Variants in PTPRN2 observed in about 807,000 individuals in gnomAD.
The protein encoded by PTPRN2 is receptor-type tyrosine-protein phosphatase N2.
A neutral mutation model predicts 118.8 loss-of-function variants in PTPRN2; 74 were observed. The observed-to-expected ratio is 0.62, with a 90% CI of 0.52 to 0.76. The LOEUF (loss-of-function observed/expected upper bound fraction) is 0.76. Ranked by LOEUF, PTPRN2 falls within the 30% of genes least tolerant of loss-of-function variation. The pLI, the probability that PTPRN2 is intolerant of heterozygous loss-of-function variation, is 0.00. For missense variants in PTPRN2, 1,481 were observed against 1,394.4 expected, an observed-to-expected ratio of 1.06 and a Z score of -0.99; for synonymous variants, 641 against 608.0, an observed-to-expected ratio of 1.05 and a Z score of -0.80.
At chr7:158,221,638 C>A (rs895609131) in intron 3 of PTPRN2, among the ~76,000 whole-genome samples, 2 of 151,942 alleles carry the variant, frequency 1.3e-5, no homozygotes, top group Admixed American at 6.6e-5. Context: ...AGAATGAATG[C>A]CAAGCGGAAA....
rs1339319378 is a variant in PTPRN2 at position 158,555,901 on chromosome 7, C to T, written c.112+31657G>A. 1.3e-5 allele frequency among the ~76,000 whole-genome samples: 2 copies of T among 152,174 alleles called. No individual in the cohort carries two copies. The highest frequency in any genetic ancestry group is 2.9e-5 in the Non-Finnish European group (2 of 68,038). ...TGAACAATAATCACAACATGGCACA[C>T]ACAACACACGTCCCAAAATAAATCT... is the stretch of plus-strand genomic sequence containing the variant. On this transcript the variant is annotated intron_variant, in intron 1 of 22. Transcript: ENST00000389418. The surrounding 1 kb of genome is among the most constrained non-coding windows in gnomAD (Gnocchi z 4.7).
Position 158,544,050 on chromosome 7 carries a change from G to A in PTPRN2, c.112+43508C>T, listed in dbSNP as rs1271549573. Among the ~76,000 whole-genome samples the A allele has an allele frequency of 6.6e-6, 1 of 152,230 alleles. No individual in the cohort carries two copies. Among genetic ancestry groups the A allele is most frequent in the East Asian group, 1.9e-4 (1 of 5,190 alleles). The stretch of plus-strand genomic sequence containing the variant: ...CTCTGCCCCTCTGCACGGCACCAGA[G>A]TTGTGCAAGGAAGCAGAGGAGGCGG... On this transcript the variant is annotated intron_variant, in intron 1 of 22. Transcript: ENST00000389418. This position sits in a 1 kb window ranked among gnomAD's most constrained non-coding sequence, Gnocchi z 4.2.
At chr7:158,276,615 A>G (rs1210215305) in intron 3 of PTPRN2, among the ~76,000 whole-genome samples, 1 of 140,284 alleles carries the variant, frequency 7.1e-6, no homozygotes, top group African/African-American at 2.7e-5. Context: ...TTCTTTATTA[A>G]CTTGGCCCCA....
At chr7:158,278,430 G>A (rs542293308) in intron 3 of PTPRN2, among the ~76,000 whole-genome samples, 61 of 149,810 alleles carry the variant, frequency 4.1e-4, no homozygotes, top group Admixed American at 1.8e-3. Context: ...GAAGGTGGGC[G>A]CCTGTAATCC....
chr7:157,792,009 TC>T (rs1804535954), intron 12 of PTPRN2, among the ~76,000 whole-genome samples: 1 of 151,960 alleles, frequency 6.6e-6, no homozygotes, highest in South Asian at 2.1e-4. Flanking sequence ...CATGGAGGAG[TC>T]CCCTTTGCCC....
At chr7:157,968,658 C>T (rs1302215674) in intron 11 of PTPRN2, among the ~76,000 whole-genome samples, 2 of 152,202 alleles carry the variant, frequency 1.3e-5, no homozygotes, top group Non-Finnish European at 2.9e-5. Context: ...TCTCCAGGGT[C>T]ATCCTTGCAG....
At chr7:158,313,497 G>C (rs1172498573) in intron 3 of PTPRN2, among the ~76,000 whole-genome samples, 1 of 152,204 alleles carries the variant, frequency 6.6e-6, no homozygotes, top group Non-Finnish European at 1.5e-5. Context: ...GATACACCTG[G>C]GCAGACGCTC....
At chr7:157,742,364 G>A (rs1486397248) in intron 12 of PTPRN2, among the ~76,000 whole-genome samples, 1 of 152,184 alleles carries the variant, frequency 6.6e-6, no homozygotes, top group Non-Finnish European at 1.5e-5. Flanking sequence ...AAGGAAGAAG[G>A]AAGTAAATTC....
chr7:157,921,720 C>T (rs1017663055), intron 11 of PTPRN2, among the ~76,000 whole-genome samples: 1 of 152,230 alleles, frequency 6.6e-6, no homozygotes, highest in African/African-American at 2.4e-5. Context: ...AAGCCCTTGT[C>T]AGAGCTGCTG....
chr7:157,945,168 T>A (rs1800392478), intron 11 of PTPRN2, among the ~76,000 whole-genome samples: 1 of 152,114 alleles, frequency 6.6e-6, no homozygotes, highest in South Asian at 2.1e-4. Context: ...GAGGCCCCAG[T>A]GCTGGGTGTT....
At chr7:158,329,273 G>C (rs1465211494) in intron 2 of PTPRN2, among the ~76,000 whole-genome samples, 1 of 152,192 alleles carries the variant, frequency 6.6e-6, no homozygotes, top group Non-Finnish European at 1.5e-5. Context: ...AGTGAAGACA[G>C]TGCCGAGAAC....
chr7:158,192,286 G>GA (rs756428698), intron 5 of PTPRN2, 41 bp downstream of exon 5: 2 of 1,436,070 alleles, frequency 1.4e-6, no homozygotes, highest in Admixed American at 6.2e-5. Flanking sequence ...CACCCTGAAG[G>GA]AAAAGCCAAC....
rs981400365 is a variant in PTPRN2, at chr7:157,785,245, G to C, written c.1789-102308C>G. Among the ~76,000 whole-genome samples, 11 of 152,112 alleles carry C rather than the reference G, an allele frequency of 7.2e-5. No homozygotes were observed. The highest frequency in any genetic ancestry group is 2.2e-4 in the African/African-American group (9 of 41,394). On this transcript the variant is annotated intron_variant, in intron 12 of 22. Transcript: ENST00000389418. The surrounding 1 kb of genome is among the most constrained non-coding windows in gnomAD (Gnocchi z 7.3). ...GCCCCGCCCCACAGGCTTGCACCGG[G>C]GTGCGGCCTGCCCTGTCTGGGGCGC...
rs1803479620 is a variant in PTPRN2, at chr7:157,624,934, A to C, written c.2197-3425T>G. Among the ~76,000 whole-genome samples the C allele has an allele frequency of 2.0e-5, 3 of 152,242 alleles. No individual in the cohort carries two copies. The South Asian group carries it at 6.2e-4, about 32-fold the overall frequency. ...AGTGGGCTAAGGACATGAATAGACAATTCTCAAAAGAAGATATACAAATGA... is the reference window on the plus strand; with the variant it reads ...AGTGGGCTAAGGACATGAATAGACACTTCTCAAAAGAAGATATACAAATGA... On this transcript the variant is annotated intron_variant, in intron 14 of 22. Coordinates refer to ENST00000389418, the MANE Select transcript of PTPRN2 (RefSeq NM_002847.5).
At chr7:157,693,531 G>C (rs888020127) in intron 12 of PTPRN2, among the ~76,000 whole-genome samples, 10 of 152,216 alleles carry the variant, frequency 6.6e-5, no homozygotes, top group Admixed American at 5.2e-4. Flanking sequence ...GGGCCTTGGG[G>C]CACCGGGGAG....
At chr7:158,289,525 C>A (rs1211158600) in intron 3 of PTPRN2, among the ~76,000 whole-genome samples, 1 of 152,130 alleles carries the variant, frequency 6.6e-6, no homozygotes, top group Admixed American at 6.5e-5. Flanking sequence ...ATTTATACCT[C>A]TCTGTGGAAT....
chr7:157,696,767 C>T (rs1195582537), intron 12 of PTPRN2, among the ~76,000 whole-genome samples: 8 of 147,186 alleles, frequency 5.4e-5, no homozygotes, highest in Admixed American at 2.0e-4. Flanking sequence ...TTGGCAGAGC[C>T]CTCACCATCT....
In PTPRN2 at chr7:158,003,685, CAG is replaced by C. The variant is rs1462228023; in HGVS notation, c.1723+77611_1723+77612del. Among the ~76,000 whole-genome samples, 1 of 152,002 alleles carries C rather than the reference CAG, an allele frequency of 6.6e-6. No individual in the cohort carries two copies. The highest frequency in any genetic ancestry group is 2.4e-5 in the African/African-American group (1 of 41,370). On this transcript the variant is annotated intron_variant, in intron 11 of 22. Transcript: ENST00000389418. The surrounding 1 kb of genome is among the most constrained non-coding windows in gnomAD (Gnocchi z 5.0). ...CACCGTGGCCACCCGAGCTGACTGA[CAG>C]GGGTGGGGAAGCACGCCATCCGGGC...
In PTPRN2 at chr7:158,285,734, G is replaced by A. The variant is rs549349160; in HGVS notation, c.277+31085C>T. ...GGAATGAGGAGTGGAACAGCGTAGA[G>A]CGCGGGCTGTCTATGTCAGCTACAC... On this transcript the variant is annotated intron_variant, in intron 3 of 22. Transcript: ENST00000389418. Among the ~76,000 whole-genome samples the A allele has an allele frequency of 3.3e-5, 5 of 152,246 alleles. No homozygotes were observed. The East Asian group carries it at 5.8e-4, about 18-fold the overall frequency.
Sources: allele counts gnomAD v4.1 joint callset (sites outside exome capture counted in the v4.1 genomes callset), GRCh38; gene constraint gnomAD v4.1.1; non-coding constraint Gnocchi (gnomAD v3.1); transcripts MANE v1.5; gene names NCBI Gene and HGNC (gene_info 2026-07-23, HGNC 2026-07-21).